SORCS2: variants seen among roughly 807,000 people sequenced by gnomAD.
The protein encoded by SORCS2 is VPS10 domain-containing receptor SorCS2.
Under a neutral mutation model 141.6 loss-of-function variants are expected in SORCS2, and 100 were observed. The observed-to-expected ratio is 0.71, with a 90% CI of 0.60 to 0.83. The LOEUF is 0.83. Among genes scored for constraint, SORCS2 ranks in the 40% least tolerant of loss-of-function variants. SORCS2 has a pLI of 0.00. For synonymous variants in SORCS2, 789 were observed against 676.9 expected (o/e 1.17, Z -2.57); for missense variants, 1,646 against 1,560.2 (o/e 1.05, Z -0.93).
intron 1 of SORCS2, among the ~76,000 whole-genome samples, chr4:7,391,242 C>G (rs534261144): frequency 6.6e-6 from 1 of 152,206 alleles, no homozygotes; most frequent in South Asian, 2.1e-4. Context: ...AAGACGCTGA[C>G]GACTTTGCTG....
intron 4 of SORCS2, among the ~76,000 whole-genome samples, chr4:7,651,809 C>A (rs895403321): frequency 2.0e-5 from 3 of 152,232 alleles, no homozygotes; most frequent in Non-Finnish European, 4.4e-5. Flanking sequence ...AGGGCCTGTT[C>A]CTCATGGGTA....
At chr4:7,283,871 T>G (rs1716039618) in intron 1 of SORCS2, among the ~76,000 whole-genome samples, 1 of 152,072 alleles carries the variant, frequency 6.6e-6, no homozygotes, top group African/African-American at 2.4e-5. Context: ...TTCTCCTGCC[T>G]GTGCTGGGAG....
chr4:7,423,126 C>A (rs949625788), intron 2 of SORCS2, among the ~76,000 whole-genome samples: 4 of 152,142 alleles, frequency 2.6e-5, no homozygotes, highest in African/African-American at 9.7e-5. Flanking sequence ...CCACTCCCCG[C>A]ACCCATCCAC....
At position 7,723,843 on chromosome 4, in the gene SORCS2, G is replaced by T; in HGVS notation, c.2571G>T (p.Thr857=). 2 of 1,612,134 alleles carry T rather than the reference G, an allele frequency of 1.2e-6. No individual in the cohort carries two copies. Among genetic ancestry groups the T allele is most frequent in the South Asian group, 1.1e-5 (1 of 91,072 alleles). ...IYRVSVRAEN[T]AGHDEAVLFV... ...GCGTGTCCGTCAGGGCAGAGAACAC[G>T]GCAGGCCACGATGAGGCGGTGCTCT... Residue 857 remains threonine (T), a synonymous_variant, in exon 19 of 27, where the codon ACG becomes ACT. Transcript: ENST00000507866.
chr4:7,213,424 G>A (rs1281058995), intron 1 of SORCS2, among the ~76,000 whole-genome samples: 2 of 152,206 alleles, frequency 1.3e-5, no homozygotes, highest in Non-Finnish European at 2.9e-5. Context: ...GTTGTGGACT[G>A]AAGGCAGTCA....
Position 7,457,160 on chromosome 4 carries a change from G to T in SORCS2, c.548+60805G>T, listed in dbSNP as rs545376673. ...GAGTGAACAGCACACGACAGCCCCC[G>T]GACAGATTCCCCGCCACCAGTTAGC... On this transcript the variant is annotated intron_variant, in intron 2 of 26. Transcript: ENST00000507866. Among the ~76,000 whole-genome samples the T allele has an allele frequency of 2.8e-3, 432 of 152,248 alleles. 1 individual carries two copies. The highest frequency in any genetic ancestry group is 4.4e-3 in the Non-Finnish European group (299 of 68,002).
chr4:7,570,963 G>A (rs1324044791), intron 3 of SORCS2, among the ~76,000 whole-genome samples: 1 of 152,072 alleles, frequency 6.6e-6, no homozygotes, highest in East Asian at 1.9e-4. Context: ...CCAGCCCATG[G>A]CAGCCCAGGG....
At chr4:7,262,518 A>G (rs1201825455) in intron 1 of SORCS2, among the ~76,000 whole-genome samples, 2 of 152,204 alleles carry the variant, frequency 1.3e-5, no homozygotes, top group Non-Finnish European at 2.9e-5. Flanking sequence ...CAGAGCTTCC[A>G]GTGTAGTGTG....
Position 7,573,872 on chromosome 4 carries a change from C to T in SORCS2, c.648+42243C>T, listed in dbSNP as rs570273527. ...TGCAGGGTGAATTTCAAGTGGCTGT[C>T]CTGCGCCCACTGCCTCCCTGGCCTC... On this transcript the variant is annotated intron_variant, in intron 3 of 26. Coordinates refer to ENST00000507866, the MANE Select transcript of SORCS2 (RefSeq NM_020777.3). Among the ~76,000 whole-genome samples, 60 of 152,260 alleles carry T rather than the reference C, an allele frequency of 3.9e-4. No individual in the cohort carries two copies. The South Asian group carries it at 7.5e-3, about 19-fold the overall frequency.
chr4:7,487,498 A>T (rs1246701121), intron 2 of SORCS2, among the ~76,000 whole-genome samples: 1 of 152,182 alleles, frequency 6.6e-6, no homozygotes, highest in East Asian at 1.9e-4. Flanking sequence ...AATGCAATGT[A>T]AATTGTAAGG....
intron 2 of SORCS2, among the ~76,000 whole-genome samples, chr4:7,462,498 T>G (rs1729371325): frequency 6.6e-6 from 1 of 152,134 alleles, no homozygotes; most frequent in Non-Finnish European, 1.5e-5. Flanking sequence ...AAGCAGGCAG[T>G]GCCCTCAGTG....
At chr4:7,634,327 C>T (rs1028271792) in intron 3 of SORCS2, among the ~76,000 whole-genome samples, 8 of 151,104 alleles carry the variant, frequency 5.3e-5, no homozygotes, top group East Asian at 2.0e-4. Flanking sequence ...AAGACGAGAT[C>T]GTGCCGCTGC....
intron 2 of SORCS2, among the ~76,000 whole-genome samples, chr4:7,528,615 G>A (rs997753006): frequency 6.6e-6 from 1 of 151,994 alleles, no homozygotes; most frequent in African/African-American, 2.4e-5. Flanking sequence ...TAGTAGAGAC[G>A]AGGTTTCACC....
chr4:7,197,560 G>C (rs905822982), intron 1 of SORCS2, among the ~76,000 whole-genome samples: 3 of 152,176 alleles, frequency 2.0e-5, no homozygotes, highest in African/African-American at 7.2e-5. Flanking sequence ...AGAATGAGTA[G>C]GTGGAGTGTA....
At chr4:7,730,880 T>C (rs1420042545) in intron 23 of SORCS2, among the ~76,000 whole-genome samples, 1 of 152,230 alleles carries the variant, frequency 6.6e-6, no homozygotes, top group Admixed American at 6.5e-5. Context: ...GTAAATGTTA[T>C]TATCAGTTTC....
chr4:7,205,375 A>T (rs529034594), intron 1 of SORCS2, among the ~76,000 whole-genome samples: 1 of 152,364 alleles, frequency 6.6e-6, no homozygotes, highest in Non-Finnish European at 1.5e-5. Flanking sequence ...TTAGCATAAA[A>T]CAAAGTATAG....
intron 2 of SORCS2, chr4:7,432,124 A>C (rs75278193): frequency 0.24 from 35,974 of 152,342 alleles, 4,838 homozygotes; most frequent in African/African-American, 0.37. Flanking sequence ...TTGAACCCAG[A>C]TGGAAACCCC....
chr4:7,229,238 A>T (rs1446956554), intron 1 of SORCS2, among the ~76,000 whole-genome samples: 1 of 151,646 alleles, frequency 6.6e-6, no homozygotes. Flanking sequence ...CCCCCAGAAC[A>T]TCTCCTTCCC....
intron 3 of SORCS2, among the ~76,000 whole-genome samples, chr4:7,574,218 T>A (rs1196312151): frequency 6.6e-6 from 1 of 152,276 alleles, no homozygotes; most frequent in Non-Finnish European, 1.5e-5. Context: ...AGGACGGGAC[T>A]GTGTTCCCCA....
Sources: gnomAD v4.1 joint callset for allele counts (sites outside exome capture counted in the v4.1 genomes callset) on GRCh38, gnomAD v4.1.1 for gene constraint, MANE v1.5 for transcripts, NCBI Gene and HGNC (gene_info 2026-07-23, HGNC 2026-07-21) for gene names.